CEP97: variants seen among roughly 807,000 people sequenced by gnomAD.
CEP97 encodes the protein centrosomal protein 97.
A neutral mutation model predicts 73.1 loss-of-function variants in CEP97; 43 were observed. The ratio of observed to expected loss-of-function variants is 0.59; its 90% confidence interval spans 0.46 to 0.76. The LOEUF (loss-of-function observed/expected upper bound fraction) is 0.76. CEP97 is among the 30% of genes least tolerant of loss of function. The pLI, the probability that CEP97 is intolerant of heterozygous loss-of-function variation, is 0.00. For missense variants in CEP97, 939 were observed against 1,014.0 expected (o/e 0.93, Z 1.00); for synonymous variants, 337 against 370.0 (o/e 0.91, Z 1.02).
intron 1 of CEP97, among the ~76,000 whole-genome samples, chr3:101,725,766 T>G (rs1482371760): frequency 6.6e-6 from 1 of 152,148 alleles, no homozygotes; most frequent in Non-Finnish European, 1.5e-5. Flanking sequence ...GATCGGCTTT[T>G]CTTAAACCAC....
intron 1 of CEP97, among the ~76,000 whole-genome samples, chr3:101,726,299 A>C (rs1033361822): frequency 5.3e-5 from 8 of 152,240 alleles, no homozygotes; most frequent in African/African-American, 1.9e-4. Context: ...CTTAGGCACA[A>C]CAAATGGAAG....
chr3:101,764,932 T>C lies in CEP97; in HGVS notation c.1979T>C (p.Leu660Pro). The C allele has an allele frequency of 3.1e-6, 5 of 1,614,222 alleles. No individual in the cohort carries two copies. The highest frequency in any genetic ancestry group is 4.2e-6 in the Non-Finnish European group (5 of 1,180,030). The change falls in exon 11 of 11, where the codon CTT (leucine) becomes CCT (proline). Residue 660 changes from leucine to proline, a missense_variant. Transcript: ENST00000341893. ...GATGTTCCTCCTATATCAAGTACTC[T>C]TGTGCCATCGAAACATCCATTATTT... is the stretch of plus-strand genomic sequence containing the variant. The part of the protein sequence containing the change: ...HTDVPPISST[L>P]VPSKHPLFTQ...
chr3:101,739,366 C>A (rs1254085702), intron 6 of CEP97, among the ~76,000 whole-genome samples: 2 of 152,058 alleles, frequency 1.3e-5, no homozygotes, highest in Non-Finnish European at 2.9e-5. Context: ...GACACACACA[C>A]AAAAAGGAAA....
chr3:101,766,380 A>C lies in CEP97; in HGVS notation c.*829A>C, dbSNP rs984999809. On this transcript the variant is annotated 3_prime_UTR_variant, in exon 11 of 11. Coordinates refer to ENST00000341893, the MANE Select transcript of CEP97 (RefSeq NM_024548.4). ...TATAGGTAAGCATTTTTGTGCCAAC[A>C]TGTTGTCAGAAATTAATGTATGTTC... 6.6e-6 allele frequency: 1 copy of C among 152,608 alleles called. No homozygotes were observed. Among genetic ancestry groups the C allele is most frequent in the South Asian group, 2.1e-4 (1 of 4,832 alleles). The allele number at this position is 152,608 out of a possible 1,614,324, so 9.5% of individuals were successfully genotyped here. A position where few individuals can be genotyped will look rare whatever the true frequency, so the allele number is the denominator to read the frequency against.
rs749354683 is a variant in CEP97 at position 101,757,170 on chromosome 3, A to G, written c.1001A>G (p.Gln334Arg). The change falls in exon 8 of 11, where the codon CAA (glutamine) becomes CGA (arginine). Residue 334 changes from glutamine to arginine, a missense_variant. By Grantham distance (43) the Gln-to-Arg change is conservative. Transcript: ENST00000341893. The stretch of plus-strand genomic sequence containing the variant: ...ATTCCTGAGCATTCAAGCCCTGTTC[A>G]AGATTGCCAGATATCCCAGGAAAGT... ...SLIPEHSSPV[Q>R]DCQISQESEP... 1.2e-6 allele frequency: 2 copies of G among 1,609,086 alleles called. No homozygotes were observed. Among genetic ancestry groups the G allele is most frequent in the Non-Finnish European group, 8.5e-7 (1 of 1,178,676 alleles).
At chr3:101,730,147 T>C (rs1938052198) in intron 4 of CEP97, among the ~76,000 whole-genome samples, 1 of 152,098 alleles carries the variant, frequency 6.6e-6, no homozygotes, top group Non-Finnish European at 1.5e-5. Context: ...GGTCTCAAAC[T>C]CCTGGACTCT....
chr3:101,737,241 A>G (rs1168837465), intron 6 of CEP97, among the ~76,000 whole-genome samples: 1 of 152,214 alleles, frequency 6.6e-6, no homozygotes, highest in African/African-American at 2.4e-5. Flanking sequence ...AGTGACAGGG[A>G]GAATGGAACC....
rs543540212 is a variant in CEP97 at position 101,763,590 on chromosome 3, C to T, written c.1893+1030C>T. Among the ~76,000 whole-genome samples the T allele has an allele frequency of 2.6e-5, 4 of 152,090 alleles. No individual in the cohort carries two copies. In the South Asian group the frequency reaches 8.3e-4, roughly 32 times the overall value. On this transcript the variant is annotated intron_variant, in intron 10 of 10. Transcript: ENST00000341893. ...AGTTGCTGTCAGTAATTACCTTGGG[C>T]GGGGGGTCAAAGGGAAACTAAAAAC... is the stretch of plus-strand genomic sequence containing the variant.
intron 4 of CEP97, among the ~76,000 whole-genome samples, chr3:101,731,217 T>TTTTTTTTTTTA: frequency 6.7e-6 from 1 of 148,680 alleles, no homozygotes; most frequent in Non-Finnish European, 1.5e-5. Flanking sequence ...TTTTTTAATT[T>TTTTTTTTTTTA]GAGACATCAG....
intron 6 of CEP97, among the ~76,000 whole-genome samples, chr3:101,747,483 TCTC>T (rs1250811317): frequency 1.3e-4 from 20 of 151,760 alleles, no homozygotes; most frequent in Non-Finnish European, 1.8e-4. Context: ...ATGGTCTCGA[TCTC>T]CTGACCTTGT....
At chr3:101,731,192 C>CTTTTTTT (rs35988030) in intron 4 of CEP97, among the ~76,000 whole-genome samples, 2 of 123,262 alleles carry the variant, frequency 1.6e-5, no homozygotes, top group Non-Finnish European at 3.4e-5. Flanking sequence ...GTTTTAATGA[C>CTTTTTTT]TTTTTTTTTT....
intron 4 of CEP97, among the ~76,000 whole-genome samples, chr3:101,729,743 T>C (rs1033641099): frequency 3.9e-5 from 6 of 152,046 alleles, no homozygotes; most frequent in African/African-American, 1.4e-4. Context: ...AGCTAATTTT[T>C]TGAGTGTTTG....
chr3:101,730,718 G>A (rs1163771301), intron 4 of CEP97, among the ~76,000 whole-genome samples: 1 of 151,888 alleles, frequency 6.6e-6, no homozygotes, highest in African/African-American at 2.4e-5. Flanking sequence ...AGTCAAATAA[G>A]TAACAGTTGA....
chr3:101,751,771 C>T (rs1938830175), intron 6 of CEP97, among the ~76,000 whole-genome samples: 1 of 152,030 alleles, frequency 6.6e-6, no homozygotes, highest in African/African-American at 2.4e-5. Context: ...CTTGGTAGAT[C>T]TTCCTCCATC....
In CEP97 at chr3:101,731,873, CT is replaced by C; in HGVS notation, c.483del (p.Arg162GlufsTer24). 2 of 1,609,054 alleles carry C rather than the reference CT, an allele frequency of 1.2e-6. No individual in the cohort carries two copies. The highest frequency in any genetic ancestry group is 1.7e-6 in the Non-Finnish European group (2 of 1,175,522). On this transcript the variant is annotated frameshift_variant, in exon 5 of 11. Transcript: ENST00000341893. LOFTEE classifies it high-confidence loss of function. ...TTTACATGGAAACATCATCACCTCT[CT>C]TAGAATGGCACCTGCTTACCTACCC... ...LLLHGNIITSLRMAPAYLPRS... is the reference protein window; with the variant it reads ...LLLHGNIITSXRMAPAYLPRS...
At chr3:101,745,525 C>T (rs566976731) in intron 6 of CEP97, among the ~76,000 whole-genome samples, 4 of 151,418 alleles carry the variant, frequency 2.6e-5, no homozygotes, top group African/African-American at 9.7e-5. Context: ...CTCAGCCTCC[C>T]AAAGTGCTGG....
At chr3:101,764,386 C>G (rs950285217) in intron 10 of CEP97, among the ~76,000 whole-genome samples, 1 of 152,002 alleles carries the variant, frequency 6.6e-6, no homozygotes, top group African/African-American at 2.4e-5. Flanking sequence ...CCAAGGTGGG[C>G]GGATCACCTG....
At chr3:101,764,592 CAA>C (rs764941438) in intron 10 of CEP97, among the ~76,000 whole-genome samples, 113 of 143,810 alleles carry the variant, frequency 7.9e-4, no homozygotes, top group Non-Finnish European at 6.8e-4. Flanking sequence ...GCCTGGGTAA[CAA>C]GAGCGAAACT....
chr3:101,760,925 C>T (rs929265990), intron 9 of CEP97, among the ~76,000 whole-genome samples: 6 of 151,860 alleles, frequency 4.0e-5, no homozygotes, highest in African/African-American at 1.5e-4. Flanking sequence ...TGCAATGGTG[C>T]GATCTCAGCT....
Sources: allele counts gnomAD v4.1 joint callset (sites outside exome capture counted in the v4.1 genomes callset), GRCh38; gene constraint gnomAD v4.1.1; transcripts MANE v1.5; gene names NCBI Gene and HGNC (gene_info 2026-07-23, HGNC 2026-07-21).